RIMKLA: variants seen among roughly 807,000 people sequenced by gnomAD.
The protein encoded by RIMKLA is ribosomal modification protein rimK like family member A, also known as N-acetylaspartylglutamate synthase A.
A neutral mutation model predicts 32.7 loss-of-function variants in RIMKLA; 14 were observed. The observed-to-expected ratio is 0.43, with a 90% CI of 0.28 to 0.67. RIMKLA has a LOEUF of 0.67. Among genes scored for constraint, RIMKLA ranks in the 30% least tolerant of loss-of-function variants. The pLI is 0.18. For synonymous variants in RIMKLA, 176 were observed against 204.1 expected (o/e 0.86, Z 1.18); for missense variants, 410 against 519.0 (o/e 0.79, Z 2.04).
At position 42,414,493 on chromosome 1, in the gene RIMKLA, GCGTCAAGTGTC is replaced by G. The variant is rs1368462835; in HGVS notation, c.698_708del (p.Val233AlafsTer24). The G allele has an allele frequency of 5.6e-6, 9 of 1,613,848 alleles. No homozygotes were observed. The highest frequency in any genetic ancestry group is 7.6e-6 in the Non-Finnish European group (9 of 1,179,898). ...TGTGCTTTCCCCACAGGTGGCGTGG[GCGTCAAGTGTC>G]CGCTGACAGAACAAGGCAAGCAGTT... On this transcript the variant is annotated frameshift_variant, in exon 5 of 5. Transcript: ENST00000431473. LOFTEE classifies it high-confidence loss of function.
chr1:42,408,525 G>T (rs111558486), intron 3 of RIMKLA, among the ~76,000 whole-genome samples: 1 of 152,114 alleles, frequency 6.6e-6, no homozygotes, highest in Admixed American at 6.5e-5. Context: ...GAGTTCAAGC[G>T]ATTCTCCTGC....
rs144186086 is a variant in RIMKLA, at chr1:42,423,005, A to T, written c.*8031A>T. Reference sequence around the variant, plus strand: ...AAGAATCTGTGTACTCACCAGAAGAACTCTGACAGGTCAGGCAGGGCCCTC... The same window carrying T: ...AAGAATCTGTGTACTCACCAGAAGATCTCTGACAGGTCAGGCAGGGCCCTC... On this transcript the variant is annotated 3_prime_UTR_variant, in exon 5 of 5. Coordinates refer to ENST00000431473, the MANE Select transcript of RIMKLA (RefSeq NM_173642.4). 6.7e-3 allele frequency among the ~76,000 whole-genome samples: 1,020 copies of T among 152,242 alleles called. 8 individuals carry two copies. The highest frequency in any genetic ancestry group is 9.1e-3 in the Non-Finnish European group (619 of 68,024).
chr1:42,423,070 G>A lies in RIMKLA; in HGVS notation c.*8096G>A, dbSNP rs1394735789. ...CCTGACATTTCAAGAGGCTTCCTGGGAGAAGCGGTGATAAGACCCTGGGGG... is the reference window on the plus strand; with the variant it reads ...CCTGACATTTCAAGAGGCTTCCTGGAAGAAGCGGTGATAAGACCCTGGGGG... On this transcript the variant is annotated 3_prime_UTR_variant, in exon 5 of 5. Transcript: ENST00000431473. Among the ~76,000 whole-genome samples the A allele has an allele frequency of 6.6e-6, 1 of 152,132 alleles. No homozygotes were observed. The highest frequency in any genetic ancestry group is 1.9e-4 in the East Asian group (1 of 5,178).
intron 1 of RIMKLA, among the ~76,000 whole-genome samples, chr1:42,391,516 C>CGTTGGGG (rs1383623314): frequency 6.6e-6 from 1 of 152,002 alleles, no homozygotes; most frequent in East Asian, 1.9e-4. Context: ...GAAGCGGTGT[C>CGTTGGGG]ATTGGCGAGA....
rs1643255533 is a variant in RIMKLA, at chr1:42,417,154, TTATC to T, written c.*2183_*2186del. The stretch of plus-strand genomic sequence containing the variant: ...TTGGTGTGAATCTAGTCTCCCCACT[TTATC>T]TAAAAGGAGGCTAGCAGGGCCCCAG... On this transcript the variant is annotated 3_prime_UTR_variant, in exon 5 of 5. Transcript: ENST00000431473. The T allele has an allele frequency of 6.6e-6, 1 of 152,220 alleles. No individual in the cohort carries two copies. The highest frequency in any genetic ancestry group is 1.5e-5 in the Non-Finnish European group (1 of 68,036). The allele number at this position is 152,220 out of a possible 1,614,324, so 9.4% of individuals were successfully genotyped here.
In RIMKLA at chr1:42,381,519, GT is replaced by G. The variant is rs549363936; in HGVS notation, c.163+428del. Among the ~76,000 whole-genome samples the G allele has an allele frequency of 3.9e-5, 6 of 152,266 alleles. No homozygotes were observed. The East Asian group carries it at 1.2e-3, about 29-fold the overall frequency. On this transcript the variant is annotated intron_variant, in intron 1 of 4. Transcript: ENST00000431473. The stretch of plus-strand genomic sequence containing the variant: ...CTATTAAGATGACTGTTTTAAAAAA[GT>G]TTTTTGGGAGTGTGTGAGCATCAGT...
rs1188297757 is a variant in RIMKLA, at chr1:42,422,484, A to G, written c.*7510A>G. The G allele has an allele frequency of 6.6e-6, 1 of 152,252 alleles. No individual in the cohort carries two copies. The highest frequency in any genetic ancestry group is 2.4e-5 in the African/African-American group (1 of 41,462). 9.4% of individuals were successfully genotyped at this position (152,252 alleles called of 1,614,324 possible). A position where few individuals can be genotyped will look rare whatever the true frequency, so the allele number is the denominator to read the frequency against. Reference sequence around the variant, plus strand: ...TAGCTCATTTCCAAGTGGTTTATACAGCAATAACAGTGTTAACTTCTCCAA... The same window carrying G: ...TAGCTCATTTCCAAGTGGTTTATACGGCAATAACAGTGTTAACTTCTCCAA... On this transcript the variant is annotated 3_prime_UTR_variant, in exon 5 of 5. Transcript: ENST00000431473.
chr1:42,411,702 C>T (rs1248079369), intron 4 of RIMKLA, among the ~76,000 whole-genome samples: 2 of 151,124 alleles, frequency 1.3e-5, no homozygotes, highest in African/African-American at 4.9e-5. Context: ...GAGACAGAGT[C>T]TCGCTCTGTC....
chr1:42,401,013 G>A (rs189081356), intron 2 of RIMKLA, among the ~76,000 whole-genome samples: 2 of 152,278 alleles, frequency 1.3e-5, no homozygotes, highest in African/African-American at 4.8e-5. Flanking sequence ...TTTGACACCA[G>A]GGACCGTTTC....
chr1:42,404,693 T>C, intron 3 of RIMKLA, 96 bp downstream of exon 3: 1 of 769,670 alleles, frequency 1.3e-6, no homozygotes, highest in South Asian at 1.4e-5. Context: ...CTTAGAAAAA[T>C]GGAGCTCCCC....
chr1:42,393,216 T>C (rs1643015006), intron 1 of RIMKLA, among the ~76,000 whole-genome samples: 1 of 22,772 alleles, frequency 4.4e-5, no homozygotes, highest in Non-Finnish European at 1.0e-4. Context: ...ACTTAAATCC[T>C]GTCTGAGTGA....
intron 4 of RIMKLA, 70 bp downstream of exon 4, chr1:42,410,257 C>T (rs958090142): frequency 7.6e-7 from 1 of 1,312,394 alleles, no homozygotes; most frequent in Admixed American, 1.8e-5. Context: ...TCGATCCCTA[C>T]TGTCTTGTCA....
chr1:42,411,550 T>C (rs1327285259), intron 4 of RIMKLA, among the ~76,000 whole-genome samples: 1 of 151,908 alleles, frequency 6.6e-6, no homozygotes, highest in African/African-American at 2.4e-5. Flanking sequence ...AACCTCCGCC[T>C]CCCAGGTTCA....
Position 42,381,055 on chromosome 1 carries a change from C to T in RIMKLA, c.121C>T (p.Leu41Phe). The change falls in exon 1 of 5, where the codon CTT (leucine) becomes TTT (phenylalanine). Residue 41 changes from leucine to phenylalanine, a missense_variant. By Grantham distance (22) the Leu-to-Phe change is conservative (BLOSUM62 0). Coordinates refer to ENST00000431473, the MANE Select transcript of RIMKLA (RefSeq NM_173642.4). Reference sequence around the variant, plus strand: ...GCAGGACGTGCGCTTCCGGGCGGTGCTTATGGACCAGATCGCCGTCACCAT... The same window carrying T: ...GCAGGACGTGCGCTTCCGGGCGGTGTTTATGGACCAGATCGCCGTCACCAT... ...SEQDVRFRAV[L>F]MDQIAVTIVG... 1 of 1,314,798 alleles carries T rather than the reference C, an allele frequency of 7.6e-7. No homozygotes were observed. The highest frequency in any genetic ancestry group is 9.7e-7 in the Non-Finnish European group (1 of 1,027,312). The allele number at this position is 1,314,798 out of a possible 1,614,324, so 81.4% of individuals were successfully genotyped here. A position where few individuals can be genotyped will look rare whatever the true frequency, so the allele number is the denominator to read the frequency against.
At position 42,414,790 on chromosome 1, in the gene RIMKLA, C is replaced by T; in HGVS notation, c.992C>T (p.Ser331Leu). The T allele has an allele frequency of 6.2e-7, 1 of 1,614,182 alleles. No individual in the cohort carries two copies. The highest frequency in any genetic ancestry group is 8.5e-7 in the Non-Finnish European group (1 of 1,180,018). The change falls in exon 5 of 5, where the codon TCA (serine) becomes TTA (leucine). Residue 331 changes from serine to leucine, a missense_variant. Transcript: ENST00000431473. ...REKNEPDGCA[S>L]AQGVAESVYT... ...AAGAACGAGCCGGATGGCTGTGCTT[C>T]AGCTCAGGGAGTTGCAGAGAGCGTC...
chr1:42,402,543 G>A (rs934260813), intron 2 of RIMKLA, among the ~76,000 whole-genome samples: 4 of 151,826 alleles, frequency 2.6e-5, no homozygotes, highest in African/African-American at 9.7e-5. Context: ...AAAATGCAAG[G>A]AAATAGATTT....
chr1:42,392,948 C>T (rs1037911818), intron 1 of RIMKLA, among the ~76,000 whole-genome samples: 1 of 152,082 alleles, frequency 6.6e-6, no homozygotes, highest in Admixed American at 6.6e-5. Flanking sequence ...GCCGAGATCG[C>T]GCCATTGCAC....
chr1:42,414,374 T>A, intron 4 of RIMKLA, 110 bp from the exon 5 acceptor site: 1 of 1,145,974 alleles, frequency 8.7e-7, no homozygotes, highest in Non-Finnish European at 1.2e-6. Context: ...CTTTTGTGAT[T>A]AATGATCGAG....
rs970860248 is a variant in RIMKLA at position 42,399,528 on chromosome 1, C to T, written c.288C>T (p.Cys96=). The stretch of plus-strand genomic sequence containing the variant: ...TGCGACACCTGGAGAAGCTGGGCTG[C>T]CGGTTGGTCAATCGCCCACAGAGCA... ...TVLRHLEKLG[C]RLVNRPQSIL... is the part of the protein sequence containing the mutation. Residue 96 remains cysteine, a synonymous_variant, in exon 2 of 5, where the codon TGC becomes TGT. Transcript: ENST00000431473. 6.2e-7 allele frequency: 1 copy of T among 1,613,476 alleles called. No individual in the cohort carries two copies. Among genetic ancestry groups the T allele is most frequent in the Non-Finnish European group, 8.5e-7 (1 of 1,179,782 alleles).
Sources: allele counts gnomAD v4.1 joint callset (sites outside exome capture counted in the v4.1 genomes callset), GRCh38; gene constraint gnomAD v4.1.1; transcripts MANE v1.5; gene names NCBI Gene and HGNC (gene_info 2026-07-23, HGNC 2026-07-21).